The following PSMD14 variants were observed in gnomAD, a reference collection of about 807,000 sequenced individuals.
PSMD14 encodes ubiquitin C-terminal hydrolase PSMD14.
Under a neutral mutation model 41.2 loss-of-function variants are expected in PSMD14, and 7 were observed. The ratio of observed to expected loss-of-function variants is 0.17; its 90% CI spans 0.10 to 0.32. The LOEUF is 0.32. Among genes scored for constraint, PSMD14 ranks in the 10% least tolerant of loss-of-function variants. The pLI, the probability that PSMD14 is intolerant of heterozygous loss-of-function variation, is 1.00. For synonymous variants in PSMD14, 114 were observed against 122.3 expected (o/e 0.93, Z 0.45); for missense variants, 139 against 375.6 (o/e 0.37, Z 5.21).
intron 3 of PSMD14, among the ~76,000 whole-genome samples, chr2:161,330,235 G>A (rs1194848079): frequency 6.6e-6 from 1 of 152,114 alleles, no homozygotes; most frequent in Non-Finnish European, 1.5e-5. Flanking sequence ...AATGTTTAAA[G>A]TTTTAAATAT....
intron 1 of PSMD14, among the ~76,000 whole-genome samples, chr2:161,312,279 G>A (rs542670283): frequency 1.3e-5 from 2 of 152,120 alleles, no homozygotes; most frequent in African/African-American, 4.8e-5. Context: ...GAGTAGCTGG[G>A]ATTATAAGCA....
At chr2:161,367,735 G>T (rs1347607960) in intron 4 of PSMD14, 49 bp from the exon 5 acceptor site, 21 of 1,592,558 alleles carry the variant, frequency 1.3e-5, no homozygotes, top group Non-Finnish European at 1.8e-5. Flanking sequence ...AGAAGAACCA[G>T]AGACCTCAAC....
At chr2:161,361,023 CAATTTTAT>C (rs1683282453) in intron 3 of PSMD14, among the ~76,000 whole-genome samples, 2 of 152,144 alleles carry the variant, frequency 1.3e-5, no homozygotes, top group Admixed American at 6.5e-5. Context: ...ATTATGTTGG[CAATTTTAT>C]GTTCCTTTAT....
At chr2:161,340,198 G>GA (rs1306983196) in intron 3 of PSMD14, among the ~76,000 whole-genome samples, 1 of 152,114 alleles carries the variant, frequency 6.6e-6, no homozygotes, top group Non-Finnish European at 1.5e-5. Flanking sequence ...TCCTCTAGAT[G>GA]AAAAATAAGG....
chr2:161,333,291 CT>C (rs1189434918), intron 3 of PSMD14, among the ~76,000 whole-genome samples: 4 of 152,180 alleles, frequency 2.6e-5, no homozygotes, highest in Non-Finnish European at 5.9e-5. Flanking sequence ...ATGTTAGAGT[CT>C]CTGAGTGACA....
intron 3 of PSMD14, among the ~76,000 whole-genome samples, chr2:161,321,483 A>G (rs1682597282): frequency 6.6e-6 from 1 of 152,104 alleles, no homozygotes; most frequent in South Asian, 2.1e-4. Context: ...GCTTGAAGAC[A>G]TTTTGTTTCA....
intron 10 of PSMD14, among the ~76,000 whole-genome samples, chr2:161,404,025 C>T (rs920574878): frequency 2.1e-4 from 32 of 151,978 alleles, no homozygotes; most frequent in Middle Eastern, 3.4e-3. Flanking sequence ...CTTGCCTCAG[C>T]CTCCTGAGTA....
At chr2:161,400,557 T>G (rs61626956) in intron 10 of PSMD14, among the ~76,000 whole-genome samples, 221 of 152,302 alleles carry the variant, frequency 1.5e-3, no homozygotes, top group African/African-American at 5.1e-3. Context: ...ATTATTATTT[T>G]TATTTTTATT....
intron 3 of PSMD14, among the ~76,000 whole-genome samples, chr2:161,363,221 A>G (rs1015875180): frequency 3.3e-5 from 5 of 152,156 alleles, no homozygotes; most frequent in African/African-American, 1.2e-4. Flanking sequence ...TCATCTCAAA[A>G]CCATCCTCCC....
At chr2:161,321,612 C>T (rs1218521203) in intron 3 of PSMD14, among the ~76,000 whole-genome samples, 3 of 152,164 alleles carry the variant, frequency 2.0e-5, no homozygotes, top group African/African-American at 7.2e-5. Flanking sequence ...CCAAGCCATC[C>T]ACACTTTGGA....
chr2:161,395,693 C>G (rs1574141170), intron 10 of PSMD14, among the ~76,000 whole-genome samples: 1 of 152,006 alleles, frequency 6.6e-6, no homozygotes, highest in Admixed American at 6.6e-5. Context: ...ATATAGATTG[C>G]AACTCATTAA....
At chr2:161,311,904 C>T (rs1176858550) in intron 1 of PSMD14, among the ~76,000 whole-genome samples, 13 of 151,830 alleles carry the variant, frequency 8.6e-5, no homozygotes, top group Admixed American at 5.3e-4. Context: ...TGTGAGCCAC[C>T]GTGCCCAGCC....
chr2:161,375,859 C>A (rs993965361), intron 7 of PSMD14, among the ~76,000 whole-genome samples: 2 of 151,714 alleles, frequency 1.3e-5, no homozygotes, highest in African/African-American at 4.8e-5. Flanking sequence ...TGATGAAACT[C>A]TGTCTCTAAT....
intron 1 of PSMD14, among the ~76,000 whole-genome samples, chr2:161,310,785 G>A (rs749744378): frequency 2.6e-5 from 4 of 152,078 alleles, no homozygotes; most frequent in South Asian, 2.1e-4. Context: ...TGGTGACGCC[G>A]GATTCAAATT....
intron 10 of PSMD14, among the ~76,000 whole-genome samples, chr2:161,406,561 C>T (rs749995650): frequency 1.4e-4 from 21 of 152,270 alleles, no homozygotes; most frequent in Admixed American, 2.6e-4. Flanking sequence ...TGAAGACAAA[C>T]TGGTCTTGCC....
At chr2:161,364,390 G>A (rs958947020) in intron 3 of PSMD14, among the ~76,000 whole-genome samples, 1 of 152,118 alleles carries the variant, frequency 6.6e-6, no homozygotes, top group Non-Finnish European at 1.5e-5. Context: ...GGCAGGCCAG[G>A]GTGGTCTTGG....
At chr2:161,376,359 TAGG>T (rs1225526697) in intron 7 of PSMD14, among the ~76,000 whole-genome samples, 3 of 151,752 alleles carry the variant, frequency 2.0e-5, no homozygotes, top group African/African-American at 7.3e-5. Context: ...CATGTCATAT[TAGG>T]AGGTGTGCAA....
intron 7 of PSMD14, among the ~76,000 whole-genome samples, chr2:161,375,992 C>G (rs1293261402): frequency 1.3e-5 from 2 of 151,128 alleles, no homozygotes; most frequent in Non-Finnish European, 3.0e-5. Context: ...TTTACTTTTC[C>G]AAGAAATTTT....
chr2:161,389,144 T>C (rs925408415), intron 8 of PSMD14, among the ~76,000 whole-genome samples: 3 of 152,186 alleles, frequency 2.0e-5, no homozygotes, highest in Non-Finnish European at 2.9e-5. Context: ...ATTTCATTAG[T>C]ACAGTTAGTC....
Sources: allele counts gnomAD v4.1 joint callset (sites outside exome capture counted in the v4.1 genomes callset), GRCh38; gene constraint gnomAD v4.1.1; transcripts MANE v1.5; gene names NCBI Gene and HGNC (gene_info 2026-07-23, HGNC 2026-07-21).